The following GRIK4 variants were observed in gnomAD, a reference collection of about 807,000 sequenced individuals.
GRIK4 encodes the protein glutamate ionotropic receptor kainate type subunit 4, also known as glutamate receptor ionotropic, kainate 4.
A neutral mutation model predicts 104.9 loss-of-function variants in GRIK4; 40 were observed. That is an observed-to-expected ratio of 0.38 (90% CI 0.30 to 0.50). The LOEUF is 0.50. GRIK4 is among the 20% of genes least tolerant of loss of function. The pLI is 0.93. For synonymous variants in GRIK4, 485 were observed against 524.9 expected (o/e 0.92, Z 1.04); for missense variants, 1,047 against 1,308.1 (o/e 0.80, Z 3.08).
chr11:120,647,030 A>G (rs1368148331), intron 1 of GRIK4, among the ~76,000 whole-genome samples: 1 of 152,196 alleles, frequency 6.6e-6, no homozygotes, highest in Non-Finnish European at 1.5e-5. Flanking sequence ...TTCTGACTCC[A>G]AGTCCAGACC....
At chr11:120,536,466 C>T (rs1175137005) in intron 1 of GRIK4, among the ~76,000 whole-genome samples, 3 of 152,136 alleles carry the variant, frequency 2.0e-5, no homozygotes, top group South Asian at 2.1e-4. Flanking sequence ...CAGGTGGATG[C>T]GGAGCTGGTT....
chr11:120,544,433 C>T (rs1269589169), intron 1 of GRIK4, among the ~76,000 whole-genome samples: 3 of 152,034 alleles, frequency 2.0e-5, no homozygotes, highest in Admixed American at 1.3e-4. Context: ...AGGGTTCAAG[C>T]GATTCTCTAG....
At chr11:120,799,348 A>C (rs535734928) in intron 3 of GRIK4, among the ~76,000 whole-genome samples, 1 of 152,236 alleles carries the variant, frequency 6.6e-6, no homozygotes, top group African/African-American at 2.4e-5. Flanking sequence ...GTTACCTGAG[A>C]GAGTTTTCAG....
chr11:120,750,618 C>T (rs964338271), intron 3 of GRIK4, among the ~76,000 whole-genome samples: 1 of 152,128 alleles, frequency 6.6e-6, no homozygotes, highest in Non-Finnish European at 1.5e-5. Context: ...ATCTGGCCAC[C>T]TTGGCCTCCC....
At chr11:120,984,116 C>T (rs1944697370) in intron 20 of GRIK4, among the ~76,000 whole-genome samples, 1 of 152,172 alleles carries the variant, frequency 6.6e-6, no homozygotes, top group Admixed American at 6.5e-5. Context: ...CCCCAAAGCT[C>T]ACCCATGGTC....
At chr11:120,773,912 A>G (rs2135460917) in intron 3 of GRIK4, among the ~76,000 whole-genome samples, 1 of 152,362 alleles carries the variant, frequency 6.6e-6, no homozygotes, top group East Asian at 1.9e-4. Context: ...TGACAGAAGC[A>G]AAACAAAACC....
intron 1 of GRIK4, among the ~76,000 whole-genome samples, chr11:120,593,593 C>A (rs997579753): frequency 1.9e-4 from 29 of 152,230 alleles, no homozygotes; most frequent in South Asian, 1.0e-3. Flanking sequence ...CCTTGCCCCC[C>A]ACTTCTCTAA....
At chr11:120,828,284 A>G (rs1953322329) in intron 6 of GRIK4, among the ~76,000 whole-genome samples, 1 of 152,236 alleles carries the variant, frequency 6.6e-6, no homozygotes, top group Non-Finnish European at 1.5e-5. Context: ...ATCTATGCAC[A>G]TACACATACT....
chr11:120,941,419 C>G (rs543082861), intron 14 of GRIK4, among the ~76,000 whole-genome samples: 1 of 152,166 alleles, frequency 6.6e-6, no homozygotes, highest in Admixed American at 6.5e-5. Context: ...AAAAGGAGAT[C>G]GTCCACCTTT....
chr11:120,659,790 C>T (rs868595623), intron 2 of GRIK4, among the ~76,000 whole-genome samples: 4 of 152,240 alleles, frequency 2.6e-5, no homozygotes, highest in East Asian at 1.9e-4. Context: ...AGTGCAATGG[C>T]GAATAGCGCA....
At chr11:120,836,578 C>T (rs1378246029) in intron 7 of GRIK4, among the ~76,000 whole-genome samples, 1 of 152,288 alleles carries the variant, frequency 6.6e-6, no homozygotes, top group Non-Finnish European at 1.5e-5. Flanking sequence ...GGGGGCCAGG[C>T]GGAGGTGGAG....
chr11:120,684,244 G>A (rs1384960342), intron 3 of GRIK4, among the ~76,000 whole-genome samples: 1 of 152,170 alleles, frequency 6.6e-6, no homozygotes, highest in East Asian at 1.9e-4. Context: ...AATCACTTGA[G>A]CCTGGGAGAT....
intron 1 of GRIK4, among the ~76,000 whole-genome samples, chr11:120,604,184 A>G (rs1948926096): frequency 6.7e-6 from 1 of 149,878 alleles, no homozygotes; most frequent in East Asian, 2.0e-4. Flanking sequence ...AAAAAAAAAA[A>G]AAAAAAAAAA....
At chr11:120,856,877 C>A (rs553228677) in intron 8 of GRIK4, among the ~76,000 whole-genome samples, 1 of 152,288 alleles carries the variant, frequency 6.6e-6, no homozygotes, top group Admixed American at 6.5e-5. Flanking sequence ...TTGACTAAAT[C>A]CCACCCCCAG....
In GRIK4 at chr11:120,902,746, G is replaced by C. The variant is rs11218053; in HGVS notation, c.1273-2544G>C. On this transcript the variant is annotated intron_variant, in intron 12 of 20. Transcript: ENST00000527524. The surrounding 1 kb of genome is among the most constrained non-coding windows in gnomAD (Gnocchi z 4.5). ...GAGAGCAGGGGAGTTCTGAGACATG[G>C]GTTGGCACAGAAGGAGGCAGTGTGA... is the stretch of plus-strand genomic sequence containing the variant. 0.016 allele frequency among the ~76,000 whole-genome samples: 2,494 copies of C among 152,236 alleles called. 70 individuals carry two copies. The highest frequency in any genetic ancestry group is 0.079 in the East Asian group (409 of 5,170).
intron 1 of GRIK4, among the ~76,000 whole-genome samples, chr11:120,591,121 A>C (rs538604778): frequency 1.3e-4 from 20 of 152,148 alleles, no homozygotes; most frequent in African/African-American, 4.8e-4. Flanking sequence ...CATGTGAAAG[A>C]ATAGGACCAT....
At chr11:120,518,977 A>T (rs1366421269) in intron 1 of GRIK4, among the ~76,000 whole-genome samples, 1 of 152,196 alleles carries the variant, frequency 6.6e-6, no homozygotes, top group African/African-American at 2.4e-5. Context: ...GTGCTGGAAA[A>T]GAGATGCTTC....
chr11:120,565,955 G>A (rs186246798), intron 1 of GRIK4, among the ~76,000 whole-genome samples: 29 of 152,300 alleles, frequency 1.9e-4, no homozygotes, highest in African/African-American at 7.0e-4. Context: ...TTGGTATTAG[G>A]CTGGAAGGAT....
At chr11:120,606,635 G>A (rs1018675863) in intron 1 of GRIK4, among the ~76,000 whole-genome samples, 1 of 152,238 alleles carries the variant, frequency 6.6e-6, no homozygotes, top group Non-Finnish European at 1.5e-5. Flanking sequence ...TTTTACGATG[G>A]AAAGCTGTTG....
Sources: gnomAD v4.1 joint callset for allele counts (sites outside exome capture counted in the v4.1 genomes callset) on GRCh38, gnomAD v4.1.1 for gene constraint, Gnocchi (gnomAD v3.1) non-coding constraint, MANE v1.5 for transcripts, NCBI Gene and HGNC (gene_info 2026-07-23, HGNC 2026-07-21) for gene names.